Variants in MYO16 observed in about 807,000 individuals in gnomAD.
MYO16 encodes unconventional myosin-XVI.
A neutral mutation model predicts 205.3 loss-of-function variants in MYO16; 94 were observed. The observed-to-expected ratio is 0.46, with a 90% CI of 0.39 to 0.54. The LOEUF (loss-of-function observed/expected upper bound fraction) is 0.54, where lower values mean the gene tolerates loss of function less well. Ranked by LOEUF, MYO16 falls within the 20% of genes least tolerant of loss-of-function variation. MYO16 has a pLI of 0.00. For synonymous variants in MYO16, 988 were observed against 954.0 expected, an observed-to-expected ratio of 1.04 and a Z score of -0.66; for missense variants, 2,315 against 2,387.5, an observed-to-expected ratio of 0.97 and a Z score of 0.63.
chr13:108,612,323 A>G (rs1879206644), intron 1 of MYO16, among the ~76,000 whole-genome samples: 1 of 152,132 alleles, frequency 6.6e-6, no homozygotes, highest in Admixed American at 6.6e-5. Context: ...CTAATACTAG[A>G]AAAAAAGTAA....
chr13:108,759,936 TG>T (rs1885550546), intron 4 of MYO16, among the ~76,000 whole-genome samples: 1 of 152,234 alleles, frequency 6.6e-6, no homozygotes, highest in African/African-American at 2.4e-5. Context: ...ACTTTTTTAT[TG>T]ACATATAGTA....
intron 34 of MYO16, among the ~76,000 whole-genome samples, chr13:109,205,832 G>A (rs1880577389): frequency 6.6e-6 from 1 of 152,132 alleles, no homozygotes; most frequent in Non-Finnish European, 1.5e-5. Flanking sequence ...TCCTGCAAAG[G>A]CCCATAATGT....
intron 1 of MYO16, among the ~76,000 whole-genome samples, chr13:108,664,280 T>C (rs1235321438): frequency 1.3e-5 from 2 of 152,228 alleles, no homozygotes; most frequent in Non-Finnish European, 2.9e-5. Flanking sequence ...ACATCCTATG[T>C]AAAAGTACTT....
the MYO16 span, among the ~76,000 whole-genome samples, chr13:108,536,410 T>A: frequency 2.7e-3 from 403 of 151,006 alleles, 3 homozygotes; most frequent in African/African-American, 9.1e-3. Flanking sequence ...AGCAAACAGT[T>A]TAAGTTATGA....
chr13:108,869,463 T>G lies in MYO16; in HGVS notation c.1425+3221T>G, dbSNP rs374697489. On this transcript the variant is annotated intron_variant, in intron 12 of 34. Coordinates refer to ENST00000457511, the MANE Select transcript of MYO16 (RefSeq NM_001198950.3). ...ACCTTGGCCGGGCGCGGTGGCTCAC[T>G]CCTGTAATCCCAGCACTTTGGGAGG... 5.5e-4 allele frequency among the ~76,000 whole-genome samples: 84 copies of G among 151,594 alleles called. 2 individuals carry two copies. In the South Asian group the frequency reaches 8.4e-3, roughly 15 times the overall value.
chr13:108,663,169 C>G (rs1020899805), intron 1 of MYO16, among the ~76,000 whole-genome samples: 1 of 152,170 alleles, frequency 6.6e-6, no homozygotes, highest in Non-Finnish European at 1.5e-5. Flanking sequence ...CTCGGGATTG[C>G]TGGTTTCTTC....
intron 3 of MYO16, among the ~76,000 whole-genome samples, chr13:108,716,098 A>G (rs1883934669): frequency 6.6e-6 from 1 of 152,200 alleles, no homozygotes; most frequent in Non-Finnish European, 1.5e-5. Context: ...GCTAGACTGA[A>G]ATCTCAAAAA....
At chr13:108,954,160 A>T (rs1480458387) in intron 16 of MYO16, among the ~76,000 whole-genome samples, 1 of 152,212 alleles carries the variant, frequency 6.6e-6, no homozygotes, top group Non-Finnish European at 1.5e-5. Flanking sequence ...AATAAAATGG[A>T]GGATGGGGAG....
In MYO16 at chr13:109,051,319, C is replaced by G. The variant is rs1887239960; in HGVS notation, c.2873-981C>G. Among the ~76,000 whole-genome samples, 3 of 152,080 alleles carry G rather than the reference C, an allele frequency of 2.0e-5. No individual in the cohort carries two copies. In the East Asian group the frequency reaches 5.8e-4, roughly 29 times the overall value. On this transcript the variant is annotated intron_variant, in intron 24 of 34. Coordinates refer to ENST00000457511, the MANE Select transcript of MYO16 (RefSeq NM_001198950.3). Reference sequence around the variant, plus strand: ...ATATTATGTCACCCGCATTTTGCACCTGGGCAGGCAAAATAATTTGAGTAT... The same window carrying G: ...ATATTATGTCACCCGCATTTTGCACGTGGGCAGGCAAAATAATTTGAGTAT...
rs887151003 is a variant in MYO16, at chr13:108,794,055, C to T, written c.741+415C>T. Among the ~76,000 whole-genome samples the T allele has an allele frequency of 2.6e-5, 4 of 152,126 alleles. No homozygotes were observed. In the South Asian group the frequency reaches 6.2e-4, roughly 24 times the overall value. ...ACATGGATGCAGCTGAAGGCCATTA[C>T]CTAAGAGAATTACCATAAGAACAGA... is the stretch of plus-strand genomic sequence containing the variant. On this transcript the variant is annotated intron_variant, in intron 6 of 34. Transcript: ENST00000457511.
chr13:108,578,722 G>A, the MYO16 span, among the ~76,000 whole-genome samples: 8 of 152,162 alleles, frequency 5.3e-5, no homozygotes, highest in South Asian at 4.1e-4. Context: ...GGTACTATTC[G>A]TCGAGATACA....
At chr13:108,681,093 A>G (rs1355435913) in intron 2 of MYO16, among the ~76,000 whole-genome samples, 1 of 152,236 alleles carries the variant, frequency 6.6e-6, no homozygotes, top group Non-Finnish European at 1.5e-5. Flanking sequence ...CAAGCATGTA[A>G]AACCATTTAT....
chr13:109,030,126 G>T (rs774803169), intron 23 of MYO16, among the ~76,000 whole-genome samples: 4 of 146,346 alleles, frequency 2.7e-5, no homozygotes, highest in African/African-American at 1.0e-4. Flanking sequence ...AACCTTCTTT[G>T]TTAATTAGTA....
intron 16 of MYO16, among the ~76,000 whole-genome samples, chr13:108,935,699 C>T (rs992486857): frequency 3.9e-5 from 6 of 152,082 alleles, no homozygotes; most frequent in African/African-American, 1.2e-4. Context: ...TTGGCTTGTT[C>T]CAGTTCTCAA....
At chr13:108,571,446 A>G in the MYO16 span, among the ~76,000 whole-genome samples, 144 of 152,338 alleles carry the variant, frequency 9.5e-4, no homozygotes, top group African/African-American at 3.2e-3. Flanking sequence ...TAAAATCTTA[A>G]GAGGCTAATC....
At position 108,764,485 on chromosome 13, in the gene MYO16, A is replaced by G. The variant is rs565231109; in HGVS notation, c.508-21150A>G. Reference sequence around the variant, plus strand: ...CTATTGAAGAATAATTAAATGAATTATTAATGAGGTAAGTGGGCACCGGCT... The same window carrying G: ...CTATTGAAGAATAATTAAATGAATTGTTAATGAGGTAAGTGGGCACCGGCT... On this transcript the variant is annotated intron_variant, in intron 4 of 34. Coordinates refer to ENST00000457511, the MANE Select transcript of MYO16 (RefSeq NM_001198950.3). 2.0e-5 allele frequency among the ~76,000 whole-genome samples: 3 copies of G among 152,000 alleles called. No homozygotes were observed. The East Asian group carries it at 5.9e-4, about 30-fold the overall frequency.
chr13:108,639,429 T>C (rs1467301803), intron 1 of MYO16, among the ~76,000 whole-genome samples: 1 of 152,190 alleles, frequency 6.6e-6, no homozygotes, highest in Non-Finnish European at 1.5e-5. Context: ...TACCAGGCTG[T>C]GCCCTTCATT....
At chr13:108,624,781 CTGAGTGTGTGTGTGTGTGTGTGTGTG>C (rs1879670298), upstream of MYO16, among the ~76,000 whole-genome samples, 1 of 121,544 alleles carries the variant, frequency 8.2e-6, no homozygotes, top group African/African-American at 2.9e-5. Context: ...CCCATATAGC[CTGAGTGTGTGTGTGTGTGTGTGTGTG>C]TGTGTGTGTG....
At chr13:108,901,014 C>T (rs936524742) in intron 15 of MYO16, among the ~76,000 whole-genome samples, 1 of 152,124 alleles carries the variant, frequency 6.6e-6, no homozygotes, top group South Asian at 2.1e-4. Flanking sequence ...ATGAAATAAG[C>T]CCCGGTCTCC....
Sources: allele counts gnomAD v4.1 joint callset (sites outside exome capture counted in the v4.1 genomes callset), GRCh38; gene constraint gnomAD v4.1.1; transcripts MANE v1.5; gene names NCBI Gene and HGNC (gene_info 2026-07-23, HGNC 2026-07-21).